The following EPM2A variants were observed in gnomAD, a reference collection of about 807,000 sequenced individuals.
The protein encoded by EPM2A is EPM2A glucan phosphatase, laforin, also known as laforin.
A neutral mutation model predicts 26.5 loss-of-function variants in EPM2A; 21 were observed. The observed-to-expected ratio is 0.79, with a 90% confidence interval of 0.56 to 1.14. The LOEUF is 1.14. EPM2A is among the 50% of genes most tolerant of loss of function. The probability of loss-of-function intolerance (pLI) is 0.00; values close to 1 mark genes in which losing one functional copy is unlikely to be tolerated. For synonymous variants in EPM2A, 217 were observed against 177.6 expected (o/e 1.22, Z -1.76); for missense variants, 458 against 440.8 (o/e 1.04, Z -0.35).
chr6:145,419,186 C>T lies in EPM2A; in HGVS notation c.556-35089G>A, dbSNP rs948627523. Among the ~76,000 whole-genome samples, 9 of 149,772 alleles carry T rather than the reference C, an allele frequency of 6.0e-5. 1 individual carries two copies. Among genetic ancestry groups the T allele is most frequent in the South Asian group, 2.2e-4 (1 of 4,608 alleles). On this transcript the variant is annotated intron_variant, in intron 4 of 4. Transcript: ENST00000638717. ...AAGCAAATTCTGTTAAATGTCCCCC[C>T]CCCCCGCTCCTTTCCCCAGCAGCGC... is the stretch of plus-strand genomic sequence containing the variant.
At chr6:145,509,928 T>C (rs1208980874) in intron 2 of EPM2A, among the ~76,000 whole-genome samples, 2 of 151,950 alleles carry the variant, frequency 1.3e-5, no homozygotes, top group African/African-American at 4.8e-5. Context: ...GGAGTAAATG[T>C]CACTATTCTT....
chr6:145,435,738 AT>A lies in EPM2A; in HGVS notation c.556-51642del, dbSNP rs964488286. ...ATACTTAATATATGTGAATCACACA[AT>A]TTTTTTTTGTATCTGGCTTCTTTCA... On this transcript the variant is annotated intron_variant, in intron 4 of 4. Transcript: ENST00000638717. Among the ~76,000 whole-genome samples the A allele has an allele frequency of 1.6e-4, 24 of 151,226 alleles. 1 individual carries two copies. In the South Asian group the frequency reaches 1.7e-3, roughly 11 times the overall value.
intron 2 of EPM2A, among the ~76,000 whole-genome samples, chr6:145,601,105 C>G (rs1781411276): frequency 6.6e-6 from 1 of 152,146 alleles, no homozygotes; most frequent in Admixed American, 6.5e-5. Context: ...GTTTTGTTGA[C>G]TTTTTAGTAG....
At chr6:145,509,370 C>T (rs1380714806) in intron 2 of EPM2A, among the ~76,000 whole-genome samples, 1 of 152,002 alleles carries the variant, frequency 6.6e-6, no homozygotes, top group Non-Finnish European at 1.5e-5. Context: ...AAAGGGGAAC[C>T]CAACAGACTA....
chr6:145,702,944 T>C (rs1030476321), intron 1 of EPM2A, among the ~76,000 whole-genome samples: 4 of 152,208 alleles, frequency 2.6e-5, no homozygotes, highest in Non-Finnish European at 5.9e-5. Context: ...AATAACTTAA[T>C]GCAAATGTAA....
chr6:145,393,897 C>A (rs540543681), intron 4 of EPM2A, among the ~76,000 whole-genome samples: 1 of 151,500 alleles, frequency 6.6e-6, no homozygotes, highest in South Asian at 2.1e-4. Context: ...GGTCTTGGCT[C>A]ACTGCAACCT....
chr6:145,500,148 C>T (rs391820), downstream of EPM2A, among the ~76,000 whole-genome samples: 72,861 of 151,928 alleles, frequency 0.48, 17,471 homozygotes, highest in South Asian at 0.61. Context: ...TGAGCCAGTA[C>T]GACAGAATTT....
At chr6:145,520,258 C>A (rs1780186136) in intron 2 of EPM2A, among the ~76,000 whole-genome samples, 1 of 152,170 alleles carries the variant, frequency 6.6e-6, no homozygotes, top group Non-Finnish European at 1.5e-5. Context: ...CTGCCTGTTG[C>A]ATCTGCCTGC....
At position 145,625,919 on chromosome 6, in the gene EPM2A, G is replaced by A. The variant is rs959651851; in HGVS notation, c.*1497C>T. The A allele has an allele frequency of 4.9e-5, 68 of 1,399,904 alleles. No individual in the cohort carries two copies. Among genetic ancestry groups the A allele is most frequent in the Non-Finnish European group, 6.4e-5 (68 of 1,066,614 alleles). The allele number at this position is 1,399,904 out of a possible 1,614,324, so 86.7% of individuals were successfully genotyped here. A position where few individuals can be genotyped will look rare whatever the true frequency, so the allele number is the denominator to read the frequency against. On this transcript the variant is annotated 3_prime_UTR_variant, in exon 4 of 4. Transcript: ENST00000367519. ...TAAATACGCATCATAGTTTAATTAG[G>A]AAAGTAAGGGCTTTGAATCAAACCC...
chr6:145,603,519 C>G (rs1781443888), intron 2 of EPM2A, among the ~76,000 whole-genome samples: 1 of 152,152 alleles, frequency 6.6e-6, no homozygotes, highest in East Asian at 1.9e-4. Flanking sequence ...GGGACTATGT[C>G]TATTTTAGTT....
At chr6:145,403,240 A>G (rs1203176184) in intron 4 of EPM2A, among the ~76,000 whole-genome samples, 2 of 151,734 alleles carry the variant, frequency 1.3e-5, no homozygotes, top group Non-Finnish European at 2.9e-5. Context: ...TGAGTTACAA[A>G]CAATCCAATT....
chr6:145,695,213 G>T (rs1034240686), intron 1 of EPM2A, among the ~76,000 whole-genome samples: 1 of 151,954 alleles, frequency 6.6e-6, no homozygotes, highest in Non-Finnish European at 1.5e-5. Flanking sequence ...TTAAAGTTAA[G>T]TTGGTAACAG....
At chr6:145,483,786 G>A (rs1779638043) in intron 4 of EPM2A, among the ~76,000 whole-genome samples, 1 of 152,116 alleles carries the variant, frequency 6.6e-6, no homozygotes, top group Non-Finnish European at 1.5e-5. Context: ...TATCTGTCAT[G>A]CTGTTTCAGC....
rs563483575 is a variant in EPM2A at position 145,411,503 on chromosome 6, T to C, written c.556-27406A>G. On this transcript the variant is annotated intron_variant, in intron 4 of 4. Transcript: ENST00000638717. ...AATTTTACAATATTGGCACAGGTGG[T>C]CAGTGTGACAGCTCATGAAATCAAT... Among the ~76,000 whole-genome samples, 14 of 152,168 alleles carry C rather than the reference T, an allele frequency of 9.2e-5. No individual in the cohort carries two copies. The East Asian group carries it at 2.7e-3, about 29-fold the overall frequency.
At chr6:145,385,543 G>C (rs1778248537) in intron 4 of EPM2A, among the ~76,000 whole-genome samples, 1 of 152,062 alleles carries the variant, frequency 6.6e-6, no homozygotes, top group Non-Finnish European at 1.5e-5. Flanking sequence ...TTGTTTTTAT[G>C]TTACATAGCA....
intron 1 of EPM2A, among the ~76,000 whole-genome samples, chr6:145,715,255 C>T (rs1775551039): frequency 6.6e-6 from 1 of 152,102 alleles, no homozygotes. Context: ...AGGCACCCAC[C>T]AGACAGGACA....
rs1206791317 is a variant in EPM2A, at chr6:145,569,040, T to C, written c.340+66205A>G. The stretch of plus-strand genomic sequence containing the variant: ...ATGGAGTTTTCAAAACCAAATAATA[T>C]GTGAATTGTTGAAATGCTGTTCAGG... On this transcript the variant is annotated intron_variant, in intron 2 of 3. Coordinates refer to the EPM2A transcript ENST00000450221. Among the ~76,000 whole-genome samples the C allele has an allele frequency of 2.0e-5, 3 of 152,166 alleles. No individual in the cohort carries two copies. In the East Asian group the frequency reaches 5.8e-4, roughly 29 times the overall value.
chr6:145,502,742 G>C (rs1414643269), intron 2 of EPM2A, among the ~76,000 whole-genome samples: 2 of 152,144 alleles, frequency 1.3e-5, no homozygotes, highest in Non-Finnish European at 2.9e-5. Context: ...CTTAATAAAA[G>C]TCAATGAATC....
At chr6:145,400,506 T>G (rs1233565232) in intron 4 of EPM2A, among the ~76,000 whole-genome samples, 1 of 152,132 alleles carries the variant, frequency 6.6e-6, no homozygotes, top group Non-Finnish European at 1.5e-5. Flanking sequence ...TTTTTGTGGT[T>G]TCGGCACAAC....
Sources: gnomAD v4.1 joint callset for allele counts (sites outside exome capture counted in the v4.1 genomes callset) on GRCh38, gnomAD v4.1.1 for gene constraint, MANE v1.5 for transcripts, NCBI Gene and HGNC (gene_info 2026-07-23, HGNC 2026-07-21) for gene names.